Variants in PPP1R12A observed in about 807,000 individuals in gnomAD.
The protein encoded by PPP1R12A is protein phosphatase 1 regulatory subunit 12A.
Under a neutral mutation model 139.6 loss-of-function variants are expected in PPP1R12A, and 19 were observed. That is an observed-to-expected ratio of 0.14 (90% CI 0.09 to 0.20). The LOEUF is 0.20. PPP1R12A is among the 10% of genes least tolerant of loss of function. PPP1R12A has a pLI of 1.00. For missense variants in PPP1R12A, 925 were observed against 1,211.5 expected, an observed-to-expected ratio of 0.76 and a Z score of 3.51; for synonymous variants, 427 against 420.6, an observed-to-expected ratio of 1.02 and a Z score of -0.19.
intron 24 of PPP1R12A, 108 bp from the exon 25 acceptor site, chr12:79,776,123 G>T: frequency 3.0e-6 from 2 of 672,380 alleles, no homozygotes; most frequent in South Asian, 2.7e-5. Flanking sequence ...ATCAAGCTTT[G>T]TCAGTTATAT....
chr12:79,790,461 A>C lies in PPP1R12A; in HGVS notation c.2666+6T>G, dbSNP rs373266921. ...AAATGTCAGTTAAAAAATAAATAAAACATACCTAGAAATGGAATCCGTCTG... is the reference window on the plus strand; with the variant it reads ...AAATGTCAGTTAAAAAATAAATAAACCATACCTAGAAATGGAATCCGTCTG... On this transcript the variant is annotated splice_donor_region_variant and intron_variant, in intron 20 of 24. Transcript: ENST00000450142. 8.1e-6 allele frequency: 11 copies of C among 1,354,218 alleles called. No homozygotes were observed. In the African/African-American group the frequency reaches 1.6e-4, roughly 20 times the overall value. The allele number at this position is 1,354,218 out of a possible 1,614,324, so 83.9% of individuals were successfully genotyped here.
At chr12:79,922,424 G>A (rs1887510416) in intron 1 of PPP1R12A, among the ~76,000 whole-genome samples, 1 of 152,002 alleles carries the variant, frequency 6.6e-6, no homozygotes, top group Non-Finnish European at 1.5e-5. Flanking sequence ...AATGCCTTTT[G>A]CAGACTTAGA....
chr12:79,808,494 C>T lies in PPP1R12A; in HGVS notation c.1539G>A (p.Glu513=), dbSNP rs374875146. The part of the protein sequence containing the change: ...RRLASTSDIE[E]KENRDSSSLR... ...CAAAATAAACTCACCTGTTTTCTTT[C>T]TCTTCAATGTCAGATGTACTGGCTA... Residue 513 remains glutamate (E), a synonymous_variant, in exon 11 of 25, where the codon GAG becomes GAA. Transcript: ENST00000450142. 1.6e-5 allele frequency: 26 copies of T among 1,597,870 alleles called. No homozygotes were observed. The African/African-American group carries it at 3.5e-4, about 21-fold the overall frequency.
Position 79,795,758 on chromosome 12 carries a change from C to G in PPP1R12A, c.2463G>C (p.Glu821Asp), listed in dbSNP as rs774618680. The G allele has an allele frequency of 6.2e-7, 1 of 1,609,850 alleles. No homozygotes were observed. Among genetic ancestry groups the G allele is most frequent in the South Asian group, 1.1e-5 (1 of 90,880 alleles). The stretch of plus-strand genomic sequence containing the variant: ...CTTTCTCCTCTTCTCTTTTTTCTCC[C>G]TCTGTTAAGGATTGCAATGAACCAC... ...SRGITKENER[E>D]GEKREEEKEG... Residue 821 changes from glutamate (E) to aspartate (D), a missense_variant and splice_region_variant, in exon 18 of 25, where the codon GAG (glutamate) becomes GAC (aspartate). By Grantham distance (45) the Glu-to-Asp change is conservative (BLOSUM62 2). Around this residue, in one of 4 missense-constraint regions of PPP1R12A, gnomAD observed 315 missense variants for 363.4 expected, o/e 0.87. Transcript: ENST00000450142.
At chr12:79,781,947 A>C in intron 22 of PPP1R12A, 85 bp from the exon 23 acceptor site, 1 of 685,010 alleles carries the variant, frequency 1.5e-6, no homozygotes, top group East Asian at 2.9e-5. Context: ...ATAGGTATTA[A>C]ATCACAATAT....
rs764942149 is a variant in PPP1R12A at position 79,822,209 on chromosome 12, G to C, written c.793-19C>G. ...TTTGGCCCTACGTAGGAAACAAGGGGGGATGGTGATGGTCAAAAGTCAATA... is the reference window on the plus strand; with the variant it reads ...TTTGGCCCTACGTAGGAAACAAGGGCGGATGGTGATGGTCAAAAGTCAATA... On this transcript the variant is annotated intron_variant, in intron 5 of 24. Transcript: ENST00000450142. 4 of 1,536,598 alleles carry C rather than the reference G, an allele frequency of 2.6e-6. No individual in the cohort carries two copies. The South Asian group carries it at 4.7e-5, about 18-fold the overall frequency.
chr12:79,924,323 T>C (rs965231190), intron 1 of PPP1R12A, among the ~76,000 whole-genome samples: 1 of 152,218 alleles, frequency 6.6e-6, no homozygotes, highest in Non-Finnish European at 1.5e-5. Flanking sequence ...GCTGAATATG[T>C]CATCTGTCCA....
At chr12:79,855,571 T>C (rs1381451350) in intron 2 of PPP1R12A, among the ~76,000 whole-genome samples, 2 of 152,138 alleles carry the variant, frequency 1.3e-5, no homozygotes, top group African/African-American at 2.4e-5. Flanking sequence ...CAATGGCTGA[T>C]CTAATTTACA....
At chr12:79,892,214 C>A (rs926519289) in intron 1 of PPP1R12A, among the ~76,000 whole-genome samples, 2 of 152,150 alleles carry the variant, frequency 1.3e-5, no homozygotes, top group African/African-American at 4.8e-5. Flanking sequence ...TAAATGTCAT[C>A]AAGTAAGAGT....
At chr12:79,827,869 C>T (rs1365395260) in intron 5 of PPP1R12A, among the ~76,000 whole-genome samples, 1 of 152,094 alleles carries the variant, frequency 6.6e-6, no homozygotes, top group Non-Finnish European at 1.5e-5. Flanking sequence ...TGCTGTAAGA[C>T]CTCATTATTC....
intron 3 of PPP1R12A, among the ~76,000 whole-genome samples, chr12:79,843,393 C>A (rs992530565): frequency 6.6e-6 from 1 of 151,664 alleles, no homozygotes; most frequent in African/African-American, 2.4e-5. Context: ...CTGGCCAACA[C>A]GGTAAAACCC....
intron 2 of PPP1R12A, among the ~76,000 whole-genome samples, chr12:79,857,253 T>TA (rs1192578429): frequency 6.6e-6 from 1 of 151,980 alleles, no homozygotes; most frequent in Admixed American, 6.6e-5. Context: ...TATGCAGCCA[T>TA]AAAAAATGAT....
At chr12:79,828,885 C>T (rs1450093498) in intron 4 of PPP1R12A, among the ~76,000 whole-genome samples, 3 of 152,122 alleles carry the variant, frequency 2.0e-5, no homozygotes, top group Middle Eastern at 3.4e-3. Context: ...TATATAATCT[C>T]GGGCTAAATG....
At chr12:79,799,107 T>G (rs1003196772) in intron 14 of PPP1R12A, among the ~76,000 whole-genome samples, 1 of 152,146 alleles carries the variant, frequency 6.6e-6, no homozygotes, top group Non-Finnish European at 1.5e-5. Context: ...TTTTCAAATA[T>G]TGGAAGACAG....
chr12:79,902,552 G>A (rs976153414), intron 1 of PPP1R12A, among the ~76,000 whole-genome samples: 2 of 151,764 alleles, frequency 1.3e-5, no homozygotes, highest in African/African-American at 4.8e-5. Context: ...TTTTTAAATG[G>A]ATATTGGCCT....
chr12:79,902,660 C>T (rs1233421700), intron 1 of PPP1R12A, among the ~76,000 whole-genome samples: 2 of 151,966 alleles, frequency 1.3e-5, no homozygotes, highest in Non-Finnish European at 2.9e-5. Flanking sequence ...TTCCTGTTTC[C>T]ATGCTGTTTA....
At chr12:79,849,986 G>A (rs1298822848) in intron 2 of PPP1R12A, among the ~76,000 whole-genome samples, 1 of 151,398 alleles carries the variant, frequency 6.6e-6, no homozygotes, top group Non-Finnish European at 1.5e-5. Flanking sequence ...ACAACACCCA[G>A]CTAAATTTAA....
At chr12:79,776,475 G>A (rs1869738783) in intron 24 of PPP1R12A, among the ~76,000 whole-genome samples, 1 of 152,074 alleles carries the variant, frequency 6.6e-6, no homozygotes, top group Non-Finnish European at 1.5e-5. Flanking sequence ...AATTAGACTT[G>A]TTCTAAATTA....
intron 14 of PPP1R12A, among the ~76,000 whole-genome samples, chr12:79,804,636 G>A (rs922978308): frequency 6.8e-6 from 1 of 146,270 alleles, no homozygotes; most frequent in Admixed American, 7.2e-5. Flanking sequence ...AATCTGGTCA[G>A]TATTTTAGTA....
Sources: gnomAD v4.1 joint callset for allele counts (sites outside exome capture counted in the v4.1 genomes callset) on GRCh38, gnomAD v4.1.1 for gene constraint, gnomAD v4.1.1 regional missense constraint, MANE v1.5 for transcripts, NCBI Gene and HGNC (gene_info 2026-07-23, HGNC 2026-07-21) for gene names.